Variants in SYNPR observed in about 807,000 individuals in gnomAD.
The protein encoded by SYNPR is synaptoporin.
SYNPR carries 23 observed loss-of-function variants against 32.9 expected under a neutral mutation model. The ratio of observed to expected loss-of-function variants is 0.70; its 90% CI spans 0.50 to 0.99. The LOEUF (loss-of-function observed/expected upper bound fraction) is 0.99, where lower values mean the gene tolerates loss of function less well. SYNPR is among the 50% of genes least tolerant of loss of function. The probability of loss-of-function intolerance (pLI) is 0.00; values close to 1 mark genes in which losing one functional copy is unlikely to be tolerated. For missense variants in SYNPR, 318 were observed against 349.3 expected, an observed-to-expected ratio of 0.91 and a Z score of 0.71; for synonymous variants, 146 against 135.9, an observed-to-expected ratio of 1.07 and a Z score of -0.52.
At chr3:63,252,634 A>G (rs2086342162) in intron 2 of SYNPR, 2 of 152,232 alleles carry the variant, frequency 1.3e-5, no homozygotes, top group South Asian at 2.1e-4. Flanking sequence ...ACAAGGAGGC[A>G]TGATTTGAAA....
chr3:63,296,277 T>A (rs575532472), intron 2 of SYNPR, among the ~76,000 whole-genome samples: 2 of 117,218 alleles, frequency 1.7e-5, no homozygotes, highest in South Asian at 2.9e-4. Flanking sequence ...AGTTTTAATG[T>A]TAGAAATGCT....
At chr3:63,355,200 G>T (rs1019913715) in intron 2 of SYNPR, among the ~76,000 whole-genome samples, 17 of 151,572 alleles carry the variant, frequency 1.1e-4, no homozygotes, top group Admixed American at 1.1e-3. Flanking sequence ...AATGGCTTCA[G>T]CCTTGGAGGT....
At chr3:63,403,480 A>G (rs2088320330) in intron 2 of SYNPR, among the ~76,000 whole-genome samples, 2 of 151,860 alleles carry the variant, frequency 1.3e-5, no homozygotes, top group South Asian at 4.2e-4. Flanking sequence ...ATAGAGAGAG[A>G]GGATGAGACA....
chr3:63,260,402 C>T (rs1292293322), intron 2 of SYNPR, among the ~76,000 whole-genome samples: 5 of 152,104 alleles, frequency 3.3e-5, no homozygotes, highest in Middle Eastern at 3.4e-3. Context: ...AACAGAGCCC[C>T]CAGAAATAAC....
At chr3:63,459,967 C>T (rs1700551193) in intron 2 of SYNPR, among the ~76,000 whole-genome samples, 1 of 152,030 alleles carries the variant, frequency 6.6e-6, no homozygotes. Context: ...AATCTGTCTA[C>T]TTCTCTTCAT....
chr3:63,259,056 G>C (rs2086414873), intron 2 of SYNPR, among the ~76,000 whole-genome samples: 1 of 152,086 alleles, frequency 6.6e-6, no homozygotes, highest in African/African-American at 2.4e-5. Context: ...ACCAATAACA[G>C]GCTCTGACAT....
At chr3:63,595,954 T>C (rs1308690627) in intron 4 of SYNPR, among the ~76,000 whole-genome samples, 5 of 84,782 alleles carry the variant, frequency 5.9e-5, no homozygotes, top group Non-Finnish European at 1.3e-4. Flanking sequence ...TATAGTTTTA[T>C]ATATATAGTT....
intron 1 of SYNPR, among the ~76,000 whole-genome samples, chr3:63,245,033 C>T (rs1319116): frequency 0.62 from 93,678 of 151,958 alleles, 30,629 homozygotes; most frequent in African/African-American, 0.8. Flanking sequence ...AAAAGAAAGA[C>T]GTTTTCTGCC....
chr3:63,475,143 C>A (rs1230395101), intron 2 of SYNPR, among the ~76,000 whole-genome samples: 1 of 152,066 alleles, frequency 6.6e-6, no homozygotes, highest in Non-Finnish European at 1.5e-5. Flanking sequence ...AAACACAGGA[C>A]AATTTTGTTC....
Position 63,595,715 on chromosome 3 carries a change from TTTTATATATATATATA to T in SYNPR, c.409-13408_409-13393del, listed in dbSNP as rs1313602782. Among the ~76,000 whole-genome samples, 53 of 45,768 alleles carry T rather than the reference TTTTATATATATATATA, an allele frequency of 1.2e-3. 2 individuals are homozygous for T. The highest frequency in any genetic ancestry group is 3.2e-3 in the African/African-American group (34 of 10,710). The allele number at this position is 45,768 out of a possible 152,430, so 30.0% of individuals were successfully genotyped here. On this transcript the variant is annotated intron_variant, in intron 4 of 5. Transcript: ENST00000478300. ...ATGGTGGTGGGACTTCTGAATCTTA[TTTTATATATATATATA>T]TATATATATATATATATATATATAT...
chr3:63,581,272 T>C (rs1703086589), intron 4 of SYNPR, among the ~76,000 whole-genome samples: 1 of 152,092 alleles, frequency 6.6e-6, no homozygotes, highest in South Asian at 2.1e-4. Flanking sequence ...TGAGAACCAT[T>C]ACCTTGAAAC....
intron 3 of SYNPR, chr3:63,545,441 T>C (rs949036983): frequency 1.3e-5 from 2 of 152,122 alleles, no homozygotes; most frequent in African/African-American, 4.8e-5. Context: ...ATTATTATAG[T>C]CTACAGCCAT....
At chr3:63,311,497 T>A (rs1575594166) in intron 2 of SYNPR, among the ~76,000 whole-genome samples, 1 of 152,098 alleles carries the variant, frequency 6.6e-6, no homozygotes, top group East Asian at 1.9e-4. Flanking sequence ...ACTGTGCAAG[T>A]GAGGGATCTA....
rs188251647 is a variant in SYNPR, at chr3:63,231,642, A to C, written n.66+3262A>C. On this transcript the variant is annotated intron_variant and non_coding_transcript_variant, in intron 1 of 4. Coordinates refer to the SYNPR transcript ENST00000478456. ...GCTAGCACCATTGCTGGGCCTTCCAACTTCTAGGCCCCAGGTCAAAAGCAG... is the reference window on the plus strand; with the variant it reads ...GCTAGCACCATTGCTGGGCCTTCCACCTTCTAGGCCCCAGGTCAAAAGCAG... 8.2e-3 allele frequency among the ~76,000 whole-genome samples: 1,244 copies of C among 152,188 alleles called. 16 individuals carry two copies. Among genetic ancestry groups the C allele is most frequent in the South Asian group, 0.026 (126 of 4,818 alleles).
rs114200336 is a variant in SYNPR at position 63,399,893 on chromosome 3, C to T, written c.85-80939C>T. 4.9e-3 allele frequency among the ~76,000 whole-genome samples: 745 copies of T among 152,304 alleles called. 7 individuals carry two copies. The highest frequency in any genetic ancestry group is 0.016 in the African/African-American group (665 of 41,548). Reference sequence around the variant, plus strand: ...AAGTGTTGTCAGTTCCTAGTCTGGACCTTAAAAGGCTTCCCCATTTTTTGC... The same window carrying T: ...AAGTGTTGTCAGTTCCTAGTCTGGATCTTAAAAGGCTTCCCCATTTTTTGC... On this transcript the variant is annotated intron_variant, in intron 2 of 5. Transcript: ENST00000478300.
chr3:63,225,160 G>A (rs1197775793), upstream of SYNPR, among the ~76,000 whole-genome samples: 1 of 152,202 alleles, frequency 6.6e-6, no homozygotes, highest in Non-Finnish European at 1.5e-5. Context: ...ATGTTCCCAA[G>A]TGTGTCACAG....
intron 2 of SYNPR, among the ~76,000 whole-genome samples, chr3:63,303,099 T>C (rs887722751): frequency 2.0e-5 from 3 of 151,918 alleles, no homozygotes; most frequent in Non-Finnish European, 4.4e-5. Context: ...GAGGTGAAGA[T>C]TGTTGGTTAC....
At chr3:63,225,068 A>G (rs2086118667), upstream of SYNPR, among the ~76,000 whole-genome samples, 1 of 152,150 alleles carries the variant, frequency 6.6e-6, no homozygotes, top group Non-Finnish European at 1.5e-5. Flanking sequence ...GACTCTCGCT[A>G]TGTCCCCTGG....
chr3:63,408,224 GGAAGGAAA>G (rs1207213730), intron 2 of SYNPR, among the ~76,000 whole-genome samples: 50 of 44,616 alleles, frequency 1.1e-3, no homozygotes, highest in Non-Finnish European at 1.2e-3. Flanking sequence ...AAGGAAGGAA[GGAAGGAAA>G]GAAAGAAAGA....
Sources: allele counts gnomAD v4.1 joint callset (sites outside exome capture counted in the v4.1 genomes callset), GRCh38; gene constraint gnomAD v4.1.1; transcripts MANE v1.5; gene names NCBI Gene and HGNC (gene_info 2026-07-23, HGNC 2026-07-21).